Variants in FADS2 observed in about 807,000 individuals in gnomAD.
The protein encoded by FADS2 is fatty acid desaturase 2.
In FADS2, 18 loss-of-function variants were observed where a neutral mutation model predicts 61.2. The ratio of observed to expected loss-of-function variants is 0.29; its 90% confidence interval spans 0.20 to 0.44. The LOEUF is 0.44. Ranked by LOEUF, FADS2 falls within the 20% of genes least tolerant of loss-of-function variation. The pLI is 1.00. For synonymous variants in FADS2, 203 were observed against 223.9 expected, an observed-to-expected ratio of 0.91 and a Z score of 0.83; for missense variants, 322 against 572.7, an observed-to-expected ratio of 0.56 and a Z score of 4.47.
At chr11:61,851,135 C>T (rs2067303297) in intron 5 of FADS2, among the ~76,000 whole-genome samples, 3 of 152,234 alleles carry the variant, frequency 2.0e-5, no homozygotes, top group Admixed American at 6.5e-5. Context: ...GTCTAGAAAA[C>T]AGAACTGATG....
chr11:61,836,914 C>T (rs905349390), intron 1 of FADS2, among the ~76,000 whole-genome samples: 1 of 152,148 alleles, frequency 6.6e-6, no homozygotes, highest in African/African-American at 2.4e-5. Context: ...GGTGCTGGCT[C>T]ATCTCTAATA....
At chr11:61,841,227 T>C (rs2135962291) in intron 4 of FADS2, among the ~76,000 whole-genome samples, 1 of 152,102 alleles carries the variant, frequency 6.6e-6, no homozygotes, top group South Asian at 2.1e-4. Context: ...AATTTTTGTA[T>C]TTTTAGTAGA....
upstream of FADS2, among the ~76,000 whole-genome samples, chr11:61,824,469 A>G (rs1431068271): frequency 1.9e-3 from 12 of 6,284 alleles, no homozygotes; most frequent in Non-Finnish European, 9.2e-3. Flanking sequence ...GGAGAGAGAG[A>G]GAGAGAGAGA....
At chr11:61,864,247 G>C (rs1185179367) in intron 10 of FADS2, 1 of 153,462 alleles carries the variant, frequency 6.5e-6, no homozygotes, top group South Asian at 2.1e-4. Flanking sequence ...CCTGTTTCCT[G>C]GGCTGGAGTG....
At chr11:61,855,678 A>G (rs2067350760) in intron 5 of FADS2, 1 of 152,306 alleles carries the variant, frequency 6.6e-6, no homozygotes, top group South Asian at 2.1e-4. Context: ...CCTTGGGGAC[A>G]GGGTGGACCT....
In FADS2 at chr11:61,841,815, C is replaced by T. The variant is rs115780335; in HGVS notation, c.618+1090C>T. ...AAGGCCTCAGATAGGGGACACCAAA[C>T]TACGGAATGATCAGCTGGCCCAAAG... On this transcript the variant is annotated intron_variant, in intron 4 of 11. Transcript: ENST00000278840. Among the ~76,000 whole-genome samples the T allele has an allele frequency of 4.6e-3, 705 of 152,214 alleles. 5 individuals are homozygous for T. The highest frequency in any genetic ancestry group is 0.016 in the African/African-American group (662 of 41,526).
In FADS2 at chr11:61,857,038, C is replaced by T. The variant is rs2067365415; in HGVS notation, c.772C>T (p.Pro258Ser). The change falls in exon 6 of 12, where the codon CCC becomes TCC. Residue 258 changes from proline (P) to serine (S), a missense_variant. Physicochemically the swap from Pro to Ser is moderately conservative, Grantham distance 74. Around this residue, in one of 3 missense-constraint regions of FADS2, gnomAD observed 221 missense variants for 427.9 expected, o/e 0.52. Coordinates refer to ENST00000278840, the MANE Select transcript of FADS2 (RefSeq NM_004265.4). Reference sequence around the variant, plus strand: ...CGGCAAGAAGAAGCTGAAATACCTGCCCTACAATCACCAGCACGAATACTT... The same window carrying T: ...CGGCAAGAAGAAGCTGAAATACCTGTCCTACAATCACCAGCACGAATACTT... The part of the protein sequence containing the change: ...EYGKKKLKYL[P>S]YNHQHEYFFL... 6.2e-7 allele frequency: 1 copy of T among 1,613,872 alleles called. No individual in the cohort carries two copies. The highest frequency in any genetic ancestry group is 1.3e-5 in the African/African-American group (1 of 74,908).
intron 6 of FADS2, 29 bp from the exon 7 acceptor site, chr11:61,857,425 G>T: frequency 6.2e-7 from 1 of 1,601,622 alleles, no homozygotes; most frequent in Non-Finnish European, 8.6e-7. Context: ...TGGAATGGAT[G>T]CCTCTAAGCG....
chr11:61,848,136 T>C (rs777891525), intron 4 of FADS2, 23 bp from the exon 5 acceptor site: 3 of 1,613,692 alleles, frequency 1.9e-6, no homozygotes, highest in Non-Finnish European at 2.5e-6. Flanking sequence ...GCATGGCTCA[T>C]CCCCACCCCT....
intron 5 of FADS2, among the ~76,000 whole-genome samples, chr11:61,850,541 G>A (rs1425250408): frequency 6.6e-6 from 1 of 152,026 alleles, no homozygotes; most frequent in African/African-American, 2.4e-5. Context: ...AAGCCACCGC[G>A]CCTGGCCCAT....
chr11:61,854,801 G>T (rs1366352161), intron 5 of FADS2: 1 of 152,262 alleles, frequency 6.6e-6, no homozygotes, highest in Non-Finnish European at 1.5e-5. Context: ...CATCGAGATG[G>T]GCACAGATGT....
chr11:61,828,130 G>C, upstream of FADS2: 1 of 1,371,852 alleles, frequency 7.3e-7, no homozygotes, highest in African/African-American at 1.5e-5. The surrounding 1 kb of genome is among the most constrained non-coding windows in gnomAD (Gnocchi z 6.4). Context: ...TCCATAGCGG[G>C]AGGGCTGAGG....
chr11:61,831,066 T>G (rs2067124466), intron 1 of FADS2, among the ~76,000 whole-genome samples: 1 of 152,092 alleles, frequency 6.6e-6, no homozygotes, highest in African/African-American at 2.4e-5. Context: ...ATGGTGATGA[T>G]GGAGTGAGCA....
rs1018608454 is a variant in FADS2 at position 61,847,804 on chromosome 11, G to T, written c.619-355G>T. ...CACTTCTCACTGTCCCTGAAACCTC[G>T]GCTTTACCTTGCACAGCTCTGGTTC... On this transcript the variant is annotated intron_variant, in intron 4 of 11. Transcript: ENST00000278840. The T allele has an allele frequency of 1.1e-5, 3 of 270,692 alleles. No homozygotes were observed. In the South Asian group the frequency reaches 1.4e-4, roughly 12 times the overall value. 16.8% of individuals were successfully genotyped at this position (270,692 alleles called of 1,614,324 possible). A position where few individuals can be genotyped will look rare whatever the true frequency, so the allele number is the denominator to read the frequency against.
intron 1 of FADS2, among the ~76,000 whole-genome samples, chr11:61,835,434 G>A (rs1319440060): frequency 2.1e-5 from 3 of 146,124 alleles, no homozygotes; most frequent in African/African-American, 5.1e-5. Context: ...TCGCTCTGTC[G>A]CCAGGCTGGA....
rs1300591048 is a variant in FADS2, at chr11:61,816,972, G to A, written c.141+546G>A. On this transcript the variant is annotated intron_variant, in intron 1 of 11. Coordinates refer to the FADS2 transcript ENST00000257261. This position sits in a 1 kb window ranked among gnomAD's most constrained non-coding sequence, Gnocchi z 7.0. ...GCGGGGAGCGAGATCCCGTCCCCCG[G>A]TGGGTCTTGGGCAACTCACAGCTGG... 2 of 1,368,086 alleles carry A rather than the reference G, an allele frequency of 1.5e-6. No individual in the cohort carries two copies. Among genetic ancestry groups the A allele is most frequent in the African/African-American group, 1.5e-5 (1 of 65,156 alleles). The allele number at this position is 1,368,086 out of a possible 1,614,324, so 84.7% of individuals were successfully genotyped here.
At chr11:61,858,655 G>A (rs1345272636) in intron 7 of FADS2, among the ~76,000 whole-genome samples, 6 of 151,252 alleles carry the variant, frequency 4.0e-5, no homozygotes, top group South Asian at 2.1e-4. Context: ...GTGCGATCTC[G>A]GCTCACTGCA....
rs1266127138 is a variant in FADS2 at position 61,828,748 on chromosome 11, C to G, written c.207+151C>G. On this transcript the variant is annotated intron_variant, in intron 1 of 11. Coordinates refer to ENST00000278840, the MANE Select transcript of FADS2 (RefSeq NM_004265.4). This position sits in a 1 kb window ranked among gnomAD's most constrained non-coding sequence, Gnocchi z 6.4. ...AGTGCATCTATTGCACTCGTACCCCCTCCCCAATCCTCCTCCTCCTCTGGG... is the reference window on the plus strand; with the variant it reads ...AGTGCATCTATTGCACTCGTACCCCGTCCCCAATCCTCCTCCTCCTCTGGG... 3.1e-6 allele frequency: 2 copies of G among 653,248 alleles called. No homozygotes were observed. The highest frequency in any genetic ancestry group is 5.2e-6 in the Non-Finnish European group (2 of 384,934). The allele number at this position is 653,248 out of a possible 1,614,324, so 40.5% of individuals were successfully genotyped here. A position where few individuals can be genotyped will look rare whatever the true frequency, so the allele number is the denominator to read the frequency against.
chr11:61,850,851 T>A (rs1029368448), intron 5 of FADS2, among the ~76,000 whole-genome samples: 11 of 152,116 alleles, frequency 7.2e-5, no homozygotes, highest in Non-Finnish European at 1.5e-5. Context: ...GAAGTAGTAT[T>A]CCCGACAGCC....
Sources: gnomAD v4.1 joint callset for allele counts (sites outside exome capture counted in the v4.1 genomes callset) on GRCh38, gnomAD v4.1.1 for gene constraint, gnomAD v4.1.1 regional missense constraint, Gnocchi (gnomAD v3.1) non-coding constraint, MANE v1.5 for transcripts, NCBI Gene and HGNC (gene_info 2026-07-23, HGNC 2026-07-21) for gene names.